The following LUM variants were observed in gnomAD, a reference collection of about 807,000 sequenced individuals.
The protein encoded by LUM is KSPG lumican.
In LUM, 13 loss-of-function variants were observed where a neutral mutation model predicts 20.5. The observed-to-expected ratio is 0.63, with a 90% CI of 0.41 to 1.01. LUM has a LOEUF of 1.01. LUM is among the 50% of genes least tolerant of loss of function. The probability of loss-of-function intolerance (pLI) is 0.00; values close to 1 mark genes in which losing one functional copy is unlikely to be tolerated. For missense variants in LUM, 321 were observed against 391.1 expected (o/e 0.82, Z 1.51); for synonymous variants, 173 against 151.5 (o/e 1.14, Z -1.04).
At position 91,107,283 on chromosome 12, in the gene LUM, GAAAGAGAAAGAA is replaced by G. The variant is rs1393571965; in HGVS notation, c.862+823_862+834del. On this transcript the variant is annotated intron_variant, in intron 2 of 2. Coordinates refer to ENST00000266718, the MANE Select transcript of LUM (RefSeq NM_002345.4). ...AGAAAGAAAGAAAGAAAGAAAGAAA[GAAAGAGAAAGAA>G]AGAAAGAAAGAAAGAAAGAAAGAAA... 7.7e-3 allele frequency among the ~76,000 whole-genome samples: 660 copies of G among 85,486 alleles called. 1 individual carries two copies. Among genetic ancestry groups the G allele is most frequent in the South Asian group, 0.012 (26 of 2,178 alleles). The allele number at this position is 85,486 out of a possible 152,430, so 56.1% of individuals were successfully genotyped here.
intron 1 of LUM, among the ~76,000 whole-genome samples, chr12:91,110,650 A>C (rs1208342565): frequency 6.6e-6 from 1 of 152,194 alleles, no homozygotes; most frequent in Non-Finnish European, 1.5e-5. Flanking sequence ...CTATAATGTG[A>C]GTATTAAATA....
intron 2 of LUM, among the ~76,000 whole-genome samples, chr12:91,107,627 C>T (rs144967519): frequency 1.1e-4 from 16 of 152,224 alleles, no homozygotes; most frequent in African/African-American, 3.1e-4. Flanking sequence ...TTAATTGTTC[C>T]TTATCTGGAT....
chr12:91,110,531 A>T (rs1448670595), intron 1 of LUM, among the ~76,000 whole-genome samples: 4 of 152,226 alleles, frequency 2.6e-5, no homozygotes, highest in Non-Finnish European at 5.9e-5. Context: ...AAAGAACGTG[A>T]TGACATATTC....
intron 2 of LUM, among the ~76,000 whole-genome samples, chr12:91,107,124 C>A (rs150440653): frequency 7.6e-6 from 1 of 131,874 alleles, no homozygotes; most frequent in Admixed American, 8.6e-5. Flanking sequence ...CCAGTCTGGG[C>A]GACAGAGTGA....
At chr12:91,106,944 G>A (rs1486170407) in intron 2 of LUM, among the ~76,000 whole-genome samples, 1 of 151,804 alleles carries the variant, frequency 6.6e-6, no homozygotes, top group Non-Finnish European at 1.5e-5. Context: ...GGCCAAGGCA[G>A]ATGGATCAGT....
At position 91,108,901 on chromosome 12, in the gene LUM, G is replaced by T; in HGVS notation, c.79C>A (p.Leu27Ile). The change falls in exon 2 of 3, where the codon CTA becomes ATA. Residue 27 changes from leucine to isoleucine, a missense_variant. Coordinates refer to ENST00000266718, the MANE Select transcript of LUM (RefSeq NM_002345.4). This position sits in a 1 kb window ranked among gnomAD's most constrained non-coding sequence, Gnocchi z 4.2. ...SGQYYDYDFP[L>I]SIYGQSSPNC... ...GGTGATGATTGCCCATAAATTGATA[G>T]GGGAAAATCATAATCATAGTACTGG... 2 of 1,613,824 alleles carry T rather than the reference G, an allele frequency of 1.2e-6. No homozygotes were observed. Among genetic ancestry groups the T allele is most frequent in the Non-Finnish European group, 1.7e-6 (2 of 1,179,866 alleles).
rs1460542694 is a variant in LUM at position 91,108,531 on chromosome 12, G to C, written c.449C>G (p.Thr150Arg). The change falls in exon 2 of 3, where the codon ACA becomes AGA. Residue 150 changes from threonine to arginine, a missense_variant. Physicochemically the swap from Thr to Arg is moderately conservative, Grantham distance 71 (BLOSUM62 -1). Coordinates refer to ENST00000266718, the MANE Select transcript of LUM (RefSeq NM_002345.4). This position sits in a 1 kb window ranked among gnomAD's most constrained non-coding sequence, Gnocchi z 4.2. ...EDLQLTHNKI[T>R]KLGSFEGLVN... ...CAATCCTTCAAAAGAGCCCAGCTTTGTGATCTTGTTATGAGTAAGCTGCAG... is the reference window on the plus strand; with the variant it reads ...CAATCCTTCAAAAGAGCCCAGCTTTCTGATCTTGTTATGAGTAAGCTGCAG... The C allele has an allele frequency of 6.2e-7, 1 of 1,612,218 alleles. No individual in the cohort carries two copies. Among genetic ancestry groups the C allele is most frequent in the Non-Finnish European group, 8.5e-7 (1 of 1,178,522 alleles).
In LUM at chr12:91,108,809, T is replaced by C; in HGVS notation, c.171A>G (p.Lys57=). The C allele has an allele frequency of 6.2e-7, 1 of 1,614,078 alleles. No homozygotes were observed. Among genetic ancestry groups the C allele is most frequent in the East Asian group, 2.2e-5 (1 of 44,838 alleles). The change falls in exon 2 of 3, where the codon AAA becomes AAG. Residue 57 remains lysine, a synonymous_variant. Transcript: ENST00000266718. This position sits in a 1 kb window ranked among gnomAD's most constrained non-coding sequence, Gnocchi z 4.2. ...GAGGCACCATTGGTACACTTTTCAATTTCAGCTCATCACAGTACATGGCAC... is the reference window on the plus strand; with the variant it reads ...GAGGCACCATTGGTACACTTTTCAACTTCAGCTCATCACAGTACATGGCAC... The part of the protein sequence containing the change: ...YPSAMYCDEL[K]LKSVPMVPPG...
At chr12:91,106,432 C>T (rs1225996732) in intron 2 of LUM, among the ~76,000 whole-genome samples, 1 of 151,930 alleles carries the variant, frequency 6.6e-6, no homozygotes, top group Non-Finnish European at 1.5e-5. Context: ...TTCTACCAAG[C>T]TCTGCCAAAG....
rs1052937134 is a variant in LUM, at chr12:91,108,780, C to T, written c.200G>A (p.Gly67Glu). Residue 67 changes from glycine (G) to glutamate (E), a missense_variant, in exon 2 of 3, where the codon GGA (glycine) becomes GAA (glutamate). Coordinates refer to ENST00000266718, the MANE Select transcript of LUM (RefSeq NM_002345.4). The surrounding 1 kb of genome is among the most constrained non-coding windows in gnomAD (Gnocchi z 4.2). ...KLKSVPMVPP[G>E]IKYLYLRNNQ... ...ATTCCTAAGGTAAAGATACTTGATT[C>T]CAGGAGGCACCATTGGTACACTTTT... The T allele has an allele frequency of 3.7e-6, 6 of 1,614,030 alleles. No individual in the cohort carries two copies. Among genetic ancestry groups the T allele is most frequent in the Non-Finnish European group, 5.1e-6 (6 of 1,179,972 alleles).
chr12:91,110,080 G>T (rs1397135292), intron 1 of LUM, among the ~76,000 whole-genome samples: 2 of 152,132 alleles, frequency 1.3e-5, no homozygotes, highest in East Asian at 1.9e-4. Context: ...CAATGTCTTA[G>T]GTGCAGCAAT....
intron 2 of LUM, among the ~76,000 whole-genome samples, chr12:91,106,711 A>AAAAAAAAAAAAAAAAAAAAC (rs398020575): frequency 6.8e-6 from 1 of 147,052 alleles, no homozygotes. Context: ...AAAAAAAAAA[A>AAAAAAAAAAAAAAAAAAAAC]GATGTTAGAA....
At chr12:91,104,944 A>G (rs1294425872) in intron 2 of LUM, among the ~76,000 whole-genome samples, 1 of 152,176 alleles carries the variant, frequency 6.6e-6, no homozygotes, top group Non-Finnish European at 1.5e-5. Context: ...AAAAGCTGCC[A>G]CAAATGAAAC....
chr12:91,105,778 C>G (rs1880016921), intron 2 of LUM, among the ~76,000 whole-genome samples: 1 of 152,214 alleles, frequency 6.6e-6, no homozygotes, highest in South Asian at 2.1e-4. Context: ...CCATAGACCT[C>G]TCTTCCATCC....
Position 91,104,301 on chromosome 12 carries a change from A to G in LUM, c.881T>C (p.Phe294Ser). ...GGATAATGGCCCCAGGATCTTGCAG[A>G]AGCTCTTTATGTCAAACTCTAAAAA... is the stretch of plus-strand genomic sequence containing the variant. ...NQLEKFDIKS[F>S]CKILGPLSYS... is the part of the protein sequence containing the mutation. Residue 294 changes from phenylalanine to serine, a missense_variant, in exon 3 of 3, where the codon TTC (phenylalanine) becomes TCC (serine). Phe to Ser is a radical substitution (Grantham distance 155). Coordinates refer to ENST00000266718, the MANE Select transcript of LUM (RefSeq NM_002345.4). 6.2e-7 allele frequency: 1 copy of G among 1,612,160 alleles called. No homozygotes were observed. The highest frequency in any genetic ancestry group is 1.3e-5 in the African/African-American group (1 of 74,994).
rs1329582376 is a variant in LUM at position 91,104,125 on chromosome 12, G to A, written c.*40C>T. On this transcript the variant is annotated 3_prime_UTR_variant, in exon 3 of 3. Transcript: ENST00000266718. ...TGGATACTATGAAAACTGACACACA[G>A]AAAAACATAACCATAAAATATTGTT... 1 of 1,552,332 alleles carries A rather than the reference G, an allele frequency of 6.4e-7. No homozygotes were observed. The highest frequency in any genetic ancestry group is 8.9e-7 in the Non-Finnish European group (1 of 1,127,954).
chr12:91,107,287 G>GAAAGAAAGAAAGAAAGAAAGAGAA (rs1426004605), intron 2 of LUM, among the ~76,000 whole-genome samples: 1 of 61,298 alleles, frequency 1.6e-5, no homozygotes, highest in African/African-American at 7.5e-5. Context: ...AAGAAAGAAA[G>GAAAGAAAGAAAGAAAGAAAGAGAA]AGAAAGAAAG....
intron 2 of LUM, among the ~76,000 whole-genome samples, chr12:91,107,835 C>T (rs765418555): frequency 6.6e-6 from 1 of 152,004 alleles, no homozygotes; most frequent in Non-Finnish European, 1.5e-5. Context: ...CCTGGCTCAG[C>T]CTCCTGAGTA....
chr12:91,108,678 A>C lies in LUM; in HGVS notation c.302T>G (p.Leu101Arg). The C allele has an allele frequency of 3.7e-6, 6 of 1,613,862 alleles. No individual in the cohort carries two copies. Among genetic ancestry groups the C allele is most frequent in the Non-Finnish European group, 5.1e-6 (6 of 1,179,790 alleles). The stretch of plus-strand genomic sequence containing the variant: ...CCCTTTTATCTTGGAGTTTTCTAGA[A>C]GGTTGTGATCTAGAATGAGCCACTG... ...DLQWLILDHNLLENSKIKGRV... is the reference protein window; with the variant it reads ...DLQWLILDHNRLENSKIKGRV... The change falls in exon 2 of 3, where the codon CTT (leucine) becomes CGT (arginine). Residue 101 changes from leucine (L) to arginine (R), a missense_variant. Leu to Arg is a moderately radical substitution (Grantham distance 102). Coordinates refer to ENST00000266718, the MANE Select transcript of LUM (RefSeq NM_002345.4). This position sits in a 1 kb window ranked among gnomAD's most constrained non-coding sequence, Gnocchi z 4.2.
Sources: allele counts gnomAD v4.1 joint callset (sites outside exome capture counted in the v4.1 genomes callset), GRCh38; gene constraint gnomAD v4.1.1; non-coding constraint Gnocchi (gnomAD v3.1); transcripts MANE v1.5; gene names NCBI Gene and HGNC (gene_info 2026-07-23, HGNC 2026-07-21).